PPIL6: variants seen among roughly 807,000 people sequenced by gnomAD.
PPIL6 encodes probable inactive peptidyl-prolyl cis-trans isomerase-like 6.
A neutral mutation model predicts 36.8 loss-of-function variants in PPIL6; 39 were observed. That is an observed-to-expected ratio of 1.06 (90% CI 0.82 to 1.38). The LOEUF (loss-of-function observed/expected upper bound fraction) is 1.38, where lower values mean the gene tolerates loss of function less well. PPIL6 is among the 40% of genes most tolerant of loss of function. PPIL6 has a pLI of 0.00. For missense variants in PPIL6, 368 were observed against 379.1 expected (o/e 0.97, Z 0.24); for synonymous variants, 123 against 134.1 (o/e 0.92, Z 0.57).
At chr6:109,395,605 T>G (rs1164921996) in intron 7 of PPIL6, among the ~76,000 whole-genome samples, 2 of 119,730 alleles carry the variant, frequency 1.7e-5, no homozygotes, top group South Asian at 3.3e-4. Flanking sequence ...CGACTCTAAC[T>G]TCTTTTTTTT....
At chr6:109,421,932 A>G (rs1479670752) in intron 5 of PPIL6, among the ~76,000 whole-genome samples, 1 of 152,098 alleles carries the variant, frequency 6.6e-6, no homozygotes, top group Non-Finnish European at 1.5e-5. Flanking sequence ...GCTGGAGTGC[A>G]GTGGCATCAT....
At chr6:109,402,753 G>A (rs565461578) in intron 6 of PPIL6, among the ~76,000 whole-genome samples, 33 of 152,258 alleles carry the variant, frequency 2.2e-4, no homozygotes, top group African/African-American at 7.5e-4. Flanking sequence ...GATTCTCTAA[G>A]TCCAGAATGT....
At chr6:109,437,910 A>G (rs1319813449) in intron 1 of PPIL6, among the ~76,000 whole-genome samples, 2 of 152,044 alleles carry the variant, frequency 1.3e-5, no homozygotes, top group African/African-American at 4.8e-5. Context: ...TAAACTATAA[A>G]TCCAGCAGTT....
intron 5 of PPIL6, among the ~76,000 whole-genome samples, chr6:109,425,749 C>CAA (rs34275471): frequency 3.3e-4 from 34 of 103,642 alleles, no homozygotes; most frequent in Non-Finnish European, 4.0e-4. Flanking sequence ...GACTCCGTTT[C>CAA]AAAAAAAAAA....
chr6:109,437,427 G>A (rs911492304), intron 1 of PPIL6, among the ~76,000 whole-genome samples: 6 of 152,156 alleles, frequency 3.9e-5, no homozygotes, highest in African/African-American at 9.7e-5. Context: ...CTCATGAAGA[G>A]GGCAACAATA....
intron 6 of PPIL6, among the ~76,000 whole-genome samples, chr6:109,415,031 A>G (rs980402788): frequency 6.6e-6 from 1 of 152,218 alleles, no homozygotes; most frequent in Non-Finnish European, 1.5e-5. Context: ...TCATCATAAC[A>G]GTCTTCATCC....
chr6:109,394,977 C>G (rs966664258), intron 7 of PPIL6, among the ~76,000 whole-genome samples: 1 of 152,182 alleles, frequency 6.6e-6, no homozygotes, highest in Non-Finnish European at 1.5e-5. Flanking sequence ...ATGATTTTCT[C>G]TCCCAAATCC....
chr6:109,394,876 C>T (rs1223110441), intron 7 of PPIL6, among the ~76,000 whole-genome samples: 2 of 152,220 alleles, frequency 1.3e-5, no homozygotes, highest in African/African-American at 4.8e-5. Context: ...ACATTTCCAG[C>T]TCTGACTCAG....
chr6:109,432,183 G>T (rs1774193573), intron 2 of PPIL6, among the ~76,000 whole-genome samples: 1 of 152,142 alleles, frequency 6.6e-6, no homozygotes, highest in Non-Finnish European at 1.5e-5. Context: ...GTAAGACATG[G>T]GGTTCAATGC....
At position 109,427,003 on chromosome 6, in the gene PPIL6, T is replaced by A. The variant is rs1390411606; in HGVS notation, c.484-9A>T. On this transcript the variant is annotated splice_polypyrimidine_tract_variant and intron_variant, in intron 4 of 7. Coordinates refer to ENST00000521072, the MANE Select transcript of PPIL6 (RefSeq NM_173672.5). ...CACACATCACAGTATAGCTACAAAA[T>A]AAAGACAAAAGGTTTCAAAGATTAA... 7 of 1,603,572 alleles carry A rather than the reference T, an allele frequency of 4.4e-6. No individual in the cohort carries two copies. The African/African-American group carries it at 9.4e-5, about 22-fold the overall frequency.
At chr6:109,416,590 AT>A (rs1773269959) in intron 6 of PPIL6, among the ~76,000 whole-genome samples, 2 of 140,306 alleles carry the variant, frequency 1.4e-5, no homozygotes, top group South Asian at 4.4e-4. Flanking sequence ...TTTTCTTCTC[AT>A]TTTGTTAATG....
intron 1 of PPIL6, among the ~76,000 whole-genome samples, chr6:109,437,764 A>C (rs1484898191): frequency 6.6e-6 from 1 of 151,796 alleles, no homozygotes; most frequent in Non-Finnish European, 1.5e-5. Flanking sequence ...CATGTTGGCC[A>C]GGCTGGTCTT....
At position 109,425,280 on chromosome 6, in the gene PPIL6, C is replaced by T. The variant is rs1773754087; in HGVS notation, c.631+1567G>A. On this transcript the variant is annotated intron_variant, in intron 5 of 7. Transcript: ENST00000521072. ...CAATCCAACTTTTTCCCAAGCCGTC[C>T]TTAACATTGCTGTCTCACTGTTTGA... Among the ~76,000 whole-genome samples the T allele has an allele frequency of 2.6e-5, 4 of 152,196 alleles. No individual in the cohort carries two copies. The South Asian group carries it at 8.3e-4, about 31-fold the overall frequency.
At chr6:109,436,225 TTTAGAG>T (rs777250166) in intron 1 of PPIL6, 26 bp from the exon 2 acceptor site, 1 of 1,305,802 alleles carries the variant, frequency 7.7e-7, no homozygotes, top group East Asian at 2.3e-5. Flanking sequence ...GAATAATTAT[TTTAGAG>T]TTAGTTCTCT....
chr6:109,405,071 G>A (rs545345213), intron 6 of PPIL6: 87 of 384,044 alleles, frequency 2.3e-4, no homozygotes, highest in South Asian at 5.3e-4. Flanking sequence ...AAAAAAAAAA[G>A]ATATCTTTTC....
chr6:109,440,372 G>C (rs779780772), intron 1 of PPIL6, 84 bp downstream of exon 1: 1 of 1,471,250 alleles, frequency 6.8e-7, no homozygotes, highest in Non-Finnish European at 9.2e-7. Context: ...CCGCCGCCTC[G>C]AGGAGGCGCG....
chr6:109,423,035 A>G (rs1447821379), intron 5 of PPIL6, among the ~76,000 whole-genome samples: 1 of 152,158 alleles, frequency 6.6e-6, no homozygotes, highest in Non-Finnish European at 1.5e-5. Context: ...ACAAGGGAAC[A>G]CTGAGGTAAG....
intron 3 of PPIL6, among the ~76,000 whole-genome samples, chr6:109,428,908 T>C (rs1773971075): frequency 1.3e-5 from 2 of 152,182 alleles, no homozygotes; most frequent in Non-Finnish European, 2.9e-5. Context: ...ATGGACTTAC[T>C]GTCCATTCAG....
intron 7 of PPIL6, among the ~76,000 whole-genome samples, chr6:109,398,172 G>A (rs1400610516): frequency 2.6e-5 from 4 of 152,212 alleles, no homozygotes; most frequent in African/African-American, 9.6e-5. Context: ...TTACAGGCGT[G>A]AGCCACCGCG....
Sources: allele counts gnomAD v4.1 joint callset (sites outside exome capture counted in the v4.1 genomes callset), GRCh38; gene constraint gnomAD v4.1.1; transcripts MANE v1.5; gene names NCBI Gene and HGNC (gene_info 2026-07-23, HGNC 2026-07-21).